The following ST18 variants were observed in gnomAD, a reference collection of about 807,000 sequenced individuals.
ST18 encodes the protein suppression of tumorigenicity 18 protein.
A neutral mutation model predicts 110.0 loss-of-function variants in ST18; 50 were observed. That is an observed-to-expected ratio of 0.45 (90% CI 0.36 to 0.58). ST18 has a LOEUF of 0.58. ST18 is among the 20% of genes least tolerant of loss of function. ST18 has a pLI of 0.00. For synonymous variants in ST18, 461 were observed against 452.4 expected, an observed-to-expected ratio of 1.02 and a Z score of -0.24; for missense variants, 1,306 against 1,280.1, an observed-to-expected ratio of 1.02 and a Z score of -0.31.
rs554478512 is a variant in ST18, at chr8:52,180,158, C to G, written c.241G>C (p.Asp81His). Reference sequence around the variant, plus strand: ...TGACCATGTGTTTCCAAGGGGCCATCGTCCTCTGTCCTGTCACTGCGGTCT... The same window carrying G: ...TGACCATGTGTTTCCAAGGGGCCATGGTCCTCTGTCCTGTCACTGCGGTCT... The part of the protein sequence containing the change: ...QEDRSDRTED[D>H]GPLETHGHST... Residue 81 changes from aspartate to histidine, a missense_variant, in exon 9 of 26, where the codon GAT becomes CAT. By Grantham distance (81) the Asp-to-His change is moderately conservative (BLOSUM62 -1). Coordinates refer to ENST00000689386, the MANE Select transcript of ST18 (RefSeq NM_001352837.2). The G allele has an allele frequency of 6.2e-7, 1 of 1,613,964 alleles. No individual in the cohort carries two copies. The highest frequency in any genetic ancestry group is 8.5e-7 in the Non-Finnish European group (1 of 1,180,026).
intron 2 of ST18, among the ~76,000 whole-genome samples, chr8:52,402,685 C>T (rs1012095008): frequency 7.9e-5 from 12 of 152,106 alleles, no homozygotes; most frequent in South Asian, 2.1e-4. Context: ...GTCTCTGTGA[C>T]GCCAGGTGCA....
intron 2 of ST18, among the ~76,000 whole-genome samples, chr8:52,295,409 CCTCT>C (rs764881974): frequency 1.3e-5 from 2 of 151,834 alleles, no homozygotes; most frequent in Non-Finnish European, 2.9e-5. Flanking sequence ...GCTTTTTTTC[CCTCT>C]CTCTCTAAGT....
intron 2 of ST18, among the ~76,000 whole-genome samples, chr8:52,398,883 ACTGGC>A (rs1842019867): frequency 6.6e-6 from 1 of 151,994 alleles, no homozygotes; most frequent in African/African-American, 2.4e-5. Flanking sequence ...CATCAGAGAG[ACTGGC>A]CTGTAGTTTT....
intron 8 of ST18, among the ~76,000 whole-genome samples, chr8:52,180,991 C>G (rs2069259183): frequency 6.6e-6 from 1 of 152,232 alleles, no homozygotes; most frequent in Non-Finnish European, 1.5e-5. Context: ...AGTTTATCCT[C>G]ACTCCTGTTC....
intron 2 of ST18, among the ~76,000 whole-genome samples, chr8:52,294,203 C>A (rs1174456512): frequency 2.0e-5 from 3 of 152,210 alleles, no homozygotes; most frequent in Non-Finnish European, 2.9e-5. Flanking sequence ...GTGGAAGAGT[C>A]TTTAAACAAA....
intron 2 of ST18, among the ~76,000 whole-genome samples, chr8:52,360,171 T>C (rs1825065228): frequency 6.6e-6 from 1 of 152,108 alleles, no homozygotes; most frequent in Non-Finnish European, 1.5e-5. Flanking sequence ...ATCCCCTAAA[T>C]CTTAACCTGT....
chr8:52,132,915 C>G (rs1246248475), intron 21 of ST18, 142 bp downstream of exon 21: 2 of 916,438 alleles, frequency 2.2e-6, no homozygotes, highest in East Asian at 4.9e-5. Context: ...CTCAAACCAC[C>G]AAATAGTTTG....
At chr8:52,318,005 G>A (rs1589858412) in intron 2 of ST18, among the ~76,000 whole-genome samples, 2 of 152,268 alleles carry the variant, frequency 1.3e-5, no homozygotes, top group East Asian at 3.9e-4. Flanking sequence ...AAAAGTGATT[G>A]TAGCAAAAGC....
intron 2 of ST18, among the ~76,000 whole-genome samples, chr8:52,253,027 T>A (rs913764993): frequency 6.6e-6 from 1 of 151,586 alleles, no homozygotes; most frequent in Admixed American, 6.6e-5. Flanking sequence ...CATTTCTTCA[T>A]CAGTTTTTTT....
intron 17 of ST18, 128 bp downstream of exon 17, chr8:52,142,802 C>T (rs1384834805): frequency 7.5e-6 from 5 of 662,720 alleles, no homozygotes; most frequent in South Asian, 2.1e-5. Flanking sequence ...GCGTGTTTAA[C>T]GTTTAACTGC....
intron 17 of ST18, among the ~76,000 whole-genome samples, chr8:52,138,443 ATG>A (rs1563627164): frequency 1.3e-5 from 2 of 152,154 alleles, no homozygotes; most frequent in East Asian, 3.9e-4. Context: ...TGTCCACCTT[ATG>A]TGTGTTGTAA....
intron 2 of ST18, among the ~76,000 whole-genome samples, chr8:52,382,791 G>C (rs1300461220): frequency 6.6e-6 from 1 of 150,492 alleles, no homozygotes; most frequent in Non-Finnish European, 1.5e-5. Context: ...GGGCAAGAAA[G>C]TGCCTCATGA....
intron 2 of ST18, among the ~76,000 whole-genome samples, chr8:52,387,940 T>G (rs1837505420): frequency 6.6e-6 from 1 of 152,170 alleles, no homozygotes; most frequent in South Asian, 2.1e-4. Flanking sequence ...GACAGGTCAC[T>G]GCCAGCACCC....
intron 19 of ST18, among the ~76,000 whole-genome samples, chr8:52,135,946 C>G (rs539260996): frequency 6.6e-6 from 1 of 152,054 alleles, no homozygotes; most frequent in African/African-American, 2.4e-5. Context: ...AATCCTATTT[C>G]TTTATCTTTT....
rs75215295 is a variant in ST18, at chr8:52,256,137, G to T, written c.-464-26060C>A. 4.9e-3 allele frequency among the ~76,000 whole-genome samples: 747 copies of T among 152,342 alleles called. 3 individuals are homozygous for T. Among genetic ancestry groups the T allele is most frequent in the African/African-American group, 0.018 (728 of 41,582 alleles). ...GCTTAAATGGGGTGCAACACTACAT[G>T]CTTTACCAACTGACTTTAAAAATAG... On this transcript the variant is annotated intron_variant, in intron 2 of 25. Coordinates refer to ENST00000689386, the MANE Select transcript of ST18 (RefSeq NM_001352837.2).
chr8:52,321,746 T>A (rs1043903534), intron 2 of ST18, among the ~76,000 whole-genome samples: 2 of 152,220 alleles, frequency 1.3e-5, no homozygotes, highest in Non-Finnish European at 2.9e-5. Context: ...AGTAATTAAG[T>A]CAGAAAAGGA....
At chr8:52,202,083 C>T (rs573976836) in intron 8 of ST18, among the ~76,000 whole-genome samples, 136 of 152,204 alleles carry the variant, frequency 8.9e-4, no homozygotes, top group Non-Finnish European at 1.4e-3. Context: ...GATTGTTATG[C>T]GGGTAGGGCT....
intron 24 of ST18, among the ~76,000 whole-genome samples, chr8:52,117,583 A>G (rs2043002962): frequency 6.6e-6 from 1 of 152,338 alleles, no homozygotes. Flanking sequence ...TGATGGCAAC[A>G]ATGGTCACTC....
At chr8:52,166,351 TC>T (rs1172769451) in intron 11 of ST18, among the ~76,000 whole-genome samples, 1 of 152,096 alleles carries the variant, frequency 6.6e-6, no homozygotes, top group Non-Finnish European at 1.5e-5. Context: ...CCCAACTACC[TC>T]CTTTACTGGG....
Sources: gnomAD v4.1 joint callset for allele counts (sites outside exome capture counted in the v4.1 genomes callset) on GRCh38, gnomAD v4.1.1 for gene constraint, MANE v1.5 for transcripts, NCBI Gene and HGNC (gene_info 2026-07-23, HGNC 2026-07-21) for gene names.